The following TRIM24 variants were observed in gnomAD, a reference collection of about 807,000 sequenced individuals.
TRIM24 encodes transcription intermediary factor 1-alpha.
TRIM24 carries 29 observed loss-of-function variants against 123.9 expected under a neutral mutation model. The observed-to-expected ratio is 0.23, with a 90% CI of 0.17 to 0.32. The LOEUF (loss-of-function observed/expected upper bound fraction) is 0.32, where lower values mean the gene tolerates loss of function less well. TRIM24 is among the 10% of genes least tolerant of loss of function. TRIM24 has a pLI of 1.00. For missense variants in TRIM24, 932 were observed against 1,295.3 expected (o/e 0.72, Z 4.31); for synonymous variants, 456 against 461.1 (o/e 0.99, Z 0.14).
chr7:138,551,194 A>G lies in TRIM24; in HGVS notation c.1261+14A>G. The G allele has an allele frequency of 1.3e-6, 2 of 1,569,836 alleles. No homozygotes were observed. The highest frequency in any genetic ancestry group is 1.8e-6 in the Non-Finnish European group (2 of 1,139,986). On this transcript the variant is annotated intron_variant, in intron 8 of 18. Transcript: ENST00000343526. The stretch of plus-strand genomic sequence containing the variant: ...TCATCAACTTAGGTGGGCCATTACC[A>G]TTACATACATTTCTCAGTGGCATTT...
At chr7:138,551,220 G>T in intron 8 of TRIM24, 40 bp downstream of exon 8, 1 of 1,515,596 alleles carries the variant, frequency 6.6e-7, no homozygotes, top group Non-Finnish European at 9.2e-7. Context: ...AGTGGCATTT[G>T]TCTGTAAAAC....
chr7:138,537,955 G>C (rs1796928574), intron 6 of TRIM24, among the ~76,000 whole-genome samples: 1 of 152,132 alleles, frequency 6.6e-6, no homozygotes, highest in Non-Finnish European at 1.5e-5. Flanking sequence ...TTTTTGGTTA[G>C]GAACCTTTAA....
chr7:138,464,169 A>G (rs898956502), intron 1 of TRIM24, among the ~76,000 whole-genome samples: 1 of 150,428 alleles, frequency 6.6e-6, no homozygotes, highest in East Asian at 2.0e-4. Flanking sequence ...TAATTTTTTT[A>G]TATTTTTTAG....
rs1228842714 is a variant in TRIM24, at chr7:138,579,276, G to A, written c.2329G>A (p.Val777Met). 1.2e-6 allele frequency: 2 copies of A among 1,614,132 alleles called. No individual in the cohort carries two copies. The highest frequency in any genetic ancestry group is 2.2e-5 in the South Asian group (2 of 91,076). ...TCAGAGCTCTACTTCTGAGGAGACT[G>A]TGCTAAGATCAGATGCCCCTGATAG... ...SSQSSTSEETVLRSDAPDSTG... is the reference protein window; with the variant it reads ...SSQSSTSEETMLRSDAPDSTG... Residue 777 changes from valine to methionine, a missense_variant, in exon 15 of 19, where the codon GTG (valine) becomes ATG (methionine). This residue lies in a region of TRIM24 where 527 missense variants were observed against 691.3 expected (regional missense o/e 0.76). Transcript: ENST00000343526.
chr7:138,505,556 A>T (rs938170685), intron 2 of TRIM24, among the ~76,000 whole-genome samples: 3 of 117,038 alleles, frequency 2.6e-5, no homozygotes, highest in South Asian at 2.6e-4. Flanking sequence ...GTTGTTGTTG[A>T]GACAGGGTCT....
chr7:138,537,734 C>T (rs565344299), intron 6 of TRIM24, among the ~76,000 whole-genome samples: 83 of 152,264 alleles, frequency 5.5e-4, no homozygotes, highest in Non-Finnish European at 7.9e-4. Context: ...GTCCATCAAA[C>T]AGACAACTAC....
chr7:138,498,911 G>T (rs968503630), intron 1 of TRIM24, among the ~76,000 whole-genome samples: 2 of 152,156 alleles, frequency 1.3e-5, no homozygotes, highest in Non-Finnish European at 2.9e-5. Flanking sequence ...TGGGATTACA[G>T]GTGTGAGCCA....
chr7:138,554,609 T>C lies in TRIM24; in HGVS notation c.1262-89T>C. ...GAGATCAGAGAATTTCTTGGCAATT[T>C]TGAAGTTCTGCAAAAATAGCTTTAG... On this transcript the variant is annotated intron_variant, in intron 8 of 18. Coordinates refer to ENST00000343526, the MANE Select transcript of TRIM24 (RefSeq NM_015905.3). The surrounding 1 kb of genome is among the most constrained non-coding windows in gnomAD (Gnocchi z 4.5). 3.5e-6 allele frequency: 5 copies of C among 1,429,866 alleles called. No homozygotes were observed. Among genetic ancestry groups the C allele is most frequent in the Non-Finnish European group, 4.8e-6 (5 of 1,049,072 alleles). The allele number at this position is 1,429,866 out of a possible 1,614,324, so 88.6% of individuals were successfully genotyped here.
chr7:138,562,045 A>G (rs1797438302), intron 9 of TRIM24, among the ~76,000 whole-genome samples: 1 of 152,118 alleles, frequency 6.6e-6, no homozygotes, highest in Non-Finnish European at 1.5e-5. Flanking sequence ...CAAAGCCTAA[A>G]TATTGGACTC....
At position 138,584,005 on chromosome 7, in the gene TRIM24, G is replaced by C. The variant is rs1292357524; in HGVS notation, c.2943+6G>C. ...ACTGTGCTGAATTCAATGAGGTGAG[G>C]CTAGGGGAGGGAAGGGGGCAGGAAG... On this transcript the variant is annotated splice_donor_region_variant and intron_variant, in intron 18 of 18. Transcript: ENST00000343526. The C allele has an allele frequency of 1.9e-6, 3 of 1,597,088 alleles. No homozygotes were observed. In the African/African-American group the frequency reaches 4.1e-5, roughly 22 times the overall value.
intron 1 of TRIM24, among the ~76,000 whole-genome samples, chr7:138,464,707 A>G (rs895528980): frequency 6.6e-6 from 1 of 152,196 alleles, no homozygotes; most frequent in Non-Finnish European, 1.5e-5. Flanking sequence ...TATAGGCCAA[A>G]CAATAGGTTT....
intron 1 of TRIM24, among the ~76,000 whole-genome samples, chr7:138,462,948 C>A (rs1795040078): frequency 6.6e-6 from 1 of 150,964 alleles, no homozygotes; most frequent in Admixed American, 6.6e-5. Context: ...TGGCTCACCG[C>A]AACCTCTGCC....
At chr7:138,504,448 T>A (rs761036026) in intron 2 of TRIM24, 40 bp downstream of exon 2, 17 of 97,008 alleles carry the variant, frequency 1.8e-4, no homozygotes, top group East Asian at 7.0e-4. Context: ...CTGCCAGCTC[T>A]TTTTTTTTTT....
Position 138,585,595 on chromosome 7 carries a change from AT to A in TRIM24, c.*649del, listed in dbSNP as rs35023347. The A allele has an allele frequency of 0.42, 132,892 of 320,148 alleles. 30,065 individuals carry two copies. The highest frequency in any genetic ancestry group is 0.49 in the Middle Eastern group (484 of 990). 19.8% of individuals were successfully genotyped at this position (320,148 alleles called of 1,614,324 possible). A position where few individuals can be genotyped will look rare whatever the true frequency, so the allele number is the denominator to read the frequency against. ...GAAAAATCCGGAAAACAAATGTTTG[AT>A]TTTTGTTTTTGTTTTTATCTTGTCT... is the stretch of plus-strand genomic sequence containing the variant. On this transcript the variant is annotated 3_prime_UTR_variant, in exon 19 of 19. Coordinates refer to ENST00000343526, the MANE Select transcript of TRIM24 (RefSeq NM_015905.3).
At position 138,555,867 on chromosome 7, in the gene TRIM24, G is replaced by A. The variant is rs775925944; in HGVS notation, c.1530+901G>A. Among the ~76,000 whole-genome samples the A allele has an allele frequency of 8.5e-5, 13 of 152,212 alleles. No individual in the cohort carries two copies. The South Asian group carries it at 1.2e-3, about 15-fold the overall frequency. On this transcript the variant is annotated intron_variant, in intron 9 of 18. Coordinates refer to ENST00000343526, the MANE Select transcript of TRIM24 (RefSeq NM_015905.3). ...AACCATAACAGTTTAGGAGGGGGGC[G>A]GAAATCACCTTACATCTTACCAGAC...
intron 2 of TRIM24, among the ~76,000 whole-genome samples, chr7:138,505,092 A>C (rs527576004): frequency 1.2e-4 from 18 of 152,264 alleles, no homozygotes; most frequent in African/African-American, 4.3e-4. Context: ...AGGCAACCTA[A>C]AATGCTGGAG....
intron 4 of TRIM24, among the ~76,000 whole-genome samples, chr7:138,522,147 A>G (rs1052884088): frequency 6.6e-6 from 1 of 152,054 alleles, no homozygotes; most frequent in East Asian, 1.9e-4. Flanking sequence ...AATAAATAAC[A>G]AAACAAGCAG....
chr7:138,573,356 G>A (rs1797694432), intron 11 of TRIM24, 151 bp from the exon 12 acceptor site: 3 of 666,114 alleles, frequency 4.5e-6, no homozygotes, highest in Non-Finnish European at 6.6e-6. Flanking sequence ...GTTGTTTATG[G>A]GGAAAATATC....
Position 138,581,730 on chromosome 7 carries a change from C to G in TRIM24, c.2752C>G (p.His918Asp). The part of the protein sequence containing the change: ...CERLLLFLYC[H>D]EMSLAFQDPV... ...GCGCCTACTTTTATTTCTTTACTGC[C>G]ATGAAATGAGCCTGGCTTTTCAAGA... The change falls in exon 17 of 19, where the codon CAT becomes GAT. Residue 918 changes from histidine to aspartate, a missense_variant. His to Asp is a moderately conservative substitution (Grantham distance 81, BLOSUM62 -1). Coordinates refer to ENST00000343526, the MANE Select transcript of TRIM24 (RefSeq NM_015905.3). 1 of 1,613,112 alleles carries G rather than the reference C, an allele frequency of 6.2e-7. No homozygotes were observed. Among genetic ancestry groups the G allele is most frequent in the Non-Finnish European group, 8.5e-7 (1 of 1,179,614 alleles).
Sources: gnomAD v4.1 joint callset for allele counts (sites outside exome capture counted in the v4.1 genomes callset) on GRCh38, gnomAD v4.1.1 for gene constraint, gnomAD v4.1.1 regional missense constraint, Gnocchi (gnomAD v3.1) non-coding constraint, MANE v1.5 for transcripts, NCBI Gene and HGNC (gene_info 2026-07-23, HGNC 2026-07-21) for gene names.